ITPR1: variants seen among roughly 807,000 people sequenced by gnomAD.
ITPR1 encodes inositol 1,4,5-trisphosphate receptor type 1.
A neutral mutation model predicts 318.4 loss-of-function variants in ITPR1; 96 were observed. The ratio of observed to expected loss-of-function variants is 0.30; its 90% CI spans 0.26 to 0.36. The LOEUF (loss-of-function observed/expected upper bound fraction) is 0.36. Among genes scored for constraint, ITPR1 ranks in the 10% least tolerant of loss-of-function variants. The pLI, the probability that ITPR1 is intolerant of heterozygous loss-of-function variation, is 1.00. For missense variants in ITPR1, 2,440 were observed against 3,460.2 expected, an observed-to-expected ratio of 0.71 and a Z score of 7.40; for synonymous variants, 1,312 against 1,289.9, an observed-to-expected ratio of 1.02 and a Z score of -0.37.
chr3:4,710,961 C>G lies in ITPR1; in HGVS notation c.4991+488C>G, dbSNP rs1211473907. Among the ~76,000 whole-genome samples, 1 of 152,124 alleles carries G rather than the reference C, an allele frequency of 6.6e-6. No individual in the cohort carries two copies. Among genetic ancestry groups the G allele is most frequent in the Admixed American group, 6.5e-5 (1 of 15,282 alleles). On this transcript the variant is annotated intron_variant, in intron 38 of 61. Transcript: ENST00000649015. This position sits in a 1 kb window ranked among gnomAD's most constrained non-coding sequence, Gnocchi z 4.2. ...ACACGGTGGCTCATGCCTGTAATCC[C>G]AGCACTTTGGGAGGCCGGGGCTGGT... is the stretch of plus-strand genomic sequence containing the variant.
At chr3:4,617,708 G>A (rs917743133) in intron 4 of ITPR1, among the ~76,000 whole-genome samples, 1 of 152,140 alleles carries the variant, frequency 6.6e-6, no homozygotes, top group African/African-American at 2.4e-5. Context: ...TATTGGCTGG[G>A]CTTGGTGGCA....
chr3:4,636,019 C>T lies in ITPR1; in HGVS notation c.280-3365C>T, dbSNP rs561712228. On this transcript the variant is annotated intron_variant, in intron 5 of 61. Transcript: ENST00000649015. Reference sequence around the variant, plus strand: ...GGGATTAGAGGCATTCGCCACCATGCCCAGCTAATTTTGTATTTTTAGTAG... The same window carrying T: ...GGGATTAGAGGCATTCGCCACCATGTCCAGCTAATTTTGTATTTTTAGTAG... Among the ~76,000 whole-genome samples, 64 of 152,156 alleles carry T rather than the reference C, an allele frequency of 4.2e-4. 1 individual carries two copies. Among genetic ancestry groups the T allele is most frequent in the Admixed American group, 4.0e-3 (61 of 15,278 alleles).
chr3:4,583,949 G>A (rs183449828), intron 4 of ITPR1, among the ~76,000 whole-genome samples: 6 of 152,108 alleles, frequency 3.9e-5, no homozygotes, highest in South Asian at 2.1e-4. Flanking sequence ...TTTTTGCTTC[G>A]TCCAAGGGCC....
intron 31 of ITPR1, among the ~76,000 whole-genome samples, chr3:4,690,301 G>A (rs79577735): frequency 8.0e-4 from 121 of 152,134 alleles, no homozygotes; most frequent in African/African-American, 2.6e-3. Context: ...AAATAAGAAC[G>A]TAAAGGCAAA....
intron 60 of ITPR1, among the ~76,000 whole-genome samples, chr3:4,822,168 T>C (rs904790467): frequency 6.6e-6 from 1 of 152,108 alleles, no homozygotes; most frequent in African/African-American, 2.4e-5. Context: ...CGTTGGGTGG[T>C]AGACATGAGC....
chr3:4,535,802 C>T (rs1222693608), intron 4 of ITPR1, among the ~76,000 whole-genome samples: 1 of 152,110 alleles, frequency 6.6e-6, no homozygotes, highest in Non-Finnish European at 1.5e-5. Flanking sequence ...TTTCTAGACT[C>T]TTGTTCCTTT....
intron 30 of ITPR1, among the ~76,000 whole-genome samples, chr3:4,687,417 C>T (rs1371415568): frequency 6.6e-6 from 1 of 152,252 alleles, no homozygotes; most frequent in Non-Finnish European, 1.5e-5. Context: ...GAGTAAACAG[C>T]GACACTGAGA....
At chr3:4,528,837 A>G (rs1226303055) in intron 4 of ITPR1, among the ~76,000 whole-genome samples, 1 of 152,212 alleles carries the variant, frequency 6.6e-6, no homozygotes, top group Non-Finnish European at 1.5e-5. Flanking sequence ...CAAATTTAAT[A>G]AAAAGATTAA....
At chr3:4,662,310 G>A (rs1337141645) in intron 15 of ITPR1, 68 bp downstream of exon 15, 2 of 1,357,284 alleles carry the variant, frequency 1.5e-6, no homozygotes, top group Admixed American at 2.8e-5. Context: ...CCATGGGGTG[G>A]AGTGAGAGAA....
chr3:4,729,089 C>G (rs1372319402), intron 42 of ITPR1, among the ~76,000 whole-genome samples: 1 of 152,178 alleles, frequency 6.6e-6, no homozygotes, highest in Non-Finnish European at 1.5e-5. Context: ...CATAGCTGTC[C>G]CTCATGTCCT....
In ITPR1 at chr3:4,847,475, AT is replaced by A. The variant is rs1413722066; in HGVS notation, c.*1251del. ...AAAGTTTGTAAATGCATATATAAAA[AT>A]ATTTAATAAATGATGCAGAATATAC... On this transcript the variant is annotated 3_prime_UTR_variant, in exon 62 of 62. Transcript: ENST00000649015. 1.3e-5 allele frequency: 2 copies of A among 152,314 alleles called. No individual in the cohort carries two copies. Among genetic ancestry groups the A allele is most frequent in the Non-Finnish European group, 2.9e-5 (2 of 68,040 alleles). 9.4% of individuals were successfully genotyped at this position (152,314 alleles called of 1,614,324 possible). A position where few individuals can be genotyped will look rare whatever the true frequency, so the allele number is the denominator to read the frequency against.
Position 4,645,568 on chromosome 3 carries a change from G to C in ITPR1, c.709-14G>C. On this transcript the variant is annotated splice_polypyrimidine_tract_variant and intron_variant, in intron 9 of 61. Transcript: ENST00000649015. ...ATTCTTTTTTCCTTAATTCTTTCTT[G>C]TGTTGACTGTCAGGGTGACGTGGTG... 1 of 1,612,548 alleles carries C rather than the reference G, an allele frequency of 6.2e-7. No homozygotes were observed. Among genetic ancestry groups the C allele is most frequent in the Non-Finnish European group, 8.5e-7 (1 of 1,179,128 alleles).
chr3:4,572,688 A>G (rs532518198), intron 4 of ITPR1, among the ~76,000 whole-genome samples: 42 of 152,350 alleles, frequency 2.8e-4, no homozygotes, highest in Admixed American at 1.8e-3. Context: ...AGATCTCCAG[A>G]ACTTTTTCAT....
At chr3:4,621,542 C>T (rs1253220137) in intron 4 of ITPR1, among the ~76,000 whole-genome samples, 1 of 152,194 alleles carries the variant, frequency 6.6e-6, no homozygotes, top group Non-Finnish European at 1.5e-5. Flanking sequence ...ATATCAATCA[C>T]CAATATGAAA....
At chr3:4,615,713 C>T (rs905645644) in intron 4 of ITPR1, among the ~76,000 whole-genome samples, 17 of 152,266 alleles carry the variant, frequency 1.1e-4, no homozygotes, top group Admixed American at 4.6e-4. Flanking sequence ...TGTGTTTAAG[C>T]TGATCCACAT....
chr3:4,654,958 C>T (rs775358299), intron 12 of ITPR1, among the ~76,000 whole-genome samples: 1 of 152,100 alleles, frequency 6.6e-6, no homozygotes, highest in Non-Finnish European at 1.5e-5. Flanking sequence ...GGCTCACCTT[C>T]CTTTTTTTCA....
In ITPR1 at chr3:4,788,141, T is replaced by A; in HGVS notation, c.6808+2T>A. On this transcript the variant is annotated splice_donor_variant, in intron 52 of 61. Coordinates refer to ENST00000649015, the MANE Select transcript of ITPR1 (RefSeq NM_001378452.1). LOFTEE classifies it high-confidence loss of function. ...TGAATTGGCAGAAGAAACTGAGAGGTGGGTTCCAACGCATCAGCAACAACA... is the reference window on the plus strand; with the variant it reads ...TGAATTGGCAGAAGAAACTGAGAGGAGGGTTCCAACGCATCAGCAACAACA... The A allele has an allele frequency of 6.3e-7, 1 of 1,596,368 alleles. No individual in the cohort carries two copies. The highest frequency in any genetic ancestry group is 1.1e-5 in the South Asian group (1 of 87,760).
intron 33 of ITPR1, 117 bp downstream of exon 33, chr3:4,693,858 G>A: frequency 1.9e-6 from 2 of 1,080,728 alleles, no homozygotes; most frequent in South Asian, 1.7e-5. Context: ...TCTGAAAGCT[G>A]CAGCTCATTT....
At chr3:4,763,210 G>A (rs542228152) in intron 44 of ITPR1, among the ~76,000 whole-genome samples, 2 of 152,252 alleles carry the variant, frequency 1.3e-5, no homozygotes, top group East Asian at 1.9e-4. Context: ...GGGGGAGGCA[G>A]GAGTTGGGGG....
Sources: gnomAD v4.1 joint callset for allele counts (sites outside exome capture counted in the v4.1 genomes callset) on GRCh38, gnomAD v4.1.1 for gene constraint, Gnocchi (gnomAD v3.1) non-coding constraint, MANE v1.5 for transcripts, NCBI Gene and HGNC (gene_info 2026-07-23, HGNC 2026-07-21) for gene names.